Variants in NYAP2 observed in about 807,000 individuals in gnomAD.
NYAP2 encodes the protein neuronal tyrosine-phosphorylated phosphoinositide-3-kinase adaptor 2.
A neutral mutation model predicts 50.4 loss-of-function variants in NYAP2; 23 were observed. That is an observed-to-expected ratio of 0.46 (90% confidence interval 0.33 to 0.65). The LOEUF (loss-of-function observed/expected upper bound fraction) is 0.65, where lower values mean the gene tolerates loss of function less well. Ranked by LOEUF, NYAP2 falls within the 30% of genes least tolerant of loss-of-function variation. The pLI is 0.02. For missense variants in NYAP2, 885 were observed against 861.0 expected (o/e 1.03, Z -0.35); for synonymous variants, 394 against 365.2 (o/e 1.08, Z -0.90).
chr2:225,520,695 A>G (rs1357427074), intron 4 of NYAP2, among the ~76,000 whole-genome samples: 14 of 152,008 alleles, frequency 9.2e-5, no homozygotes, highest in Admixed American at 2.0e-4. Flanking sequence ...ATAGTTTGAA[A>G]TCAGGTAGCG....
chr2:225,537,727 C>T lies in NYAP2; in HGVS notation c.523+24055C>T, dbSNP rs184893391. Among the ~76,000 whole-genome samples, 312 of 152,294 alleles carry T rather than the reference C, an allele frequency of 2.0e-3. 1 individual carries two copies. Among genetic ancestry groups the T allele is most frequent in the African/African-American group, 7.0e-3 (292 of 41,568 alleles). On this transcript the variant is annotated intron_variant, in intron 4 of 6. Coordinates refer to ENST00000636099, the Ensembl canonical transcript of NYAP2. ...CCTCACATTTCAAAACCAATCATGC[C>T]TTCCCAACAGTCCCCCAAAGTCTTA...
intron 3 of NYAP2, among the ~76,000 whole-genome samples, chr2:225,430,378 C>A (rs1695348581): frequency 6.6e-6 from 1 of 152,140 alleles, no homozygotes; most frequent in African/African-American, 2.4e-5. Context: ...AGATTCCCTT[C>A]TTCAATTTAT....
intron 3 of NYAP2, among the ~76,000 whole-genome samples, chr2:225,455,017 A>G (rs943529021): frequency 6.6e-6 from 1 of 152,144 alleles, no homozygotes; most frequent in Non-Finnish European, 1.5e-5. Flanking sequence ...ACCTGAGCAA[A>G]CTTCACTGGC....
Position 225,582,837 on chromosome 2 carries a change from C to T in NYAP2, c.1420C>T (p.His474Tyr). 6.2e-7 allele frequency: 1 copy of T among 1,613,904 alleles called. No individual in the cohort carries two copies. Among genetic ancestry groups the T allele is most frequent in the Non-Finnish European group, 8.5e-7 (1 of 1,179,892 alleles). Residue 474 changes from histidine to tyrosine, a missense_variant, in exon 5 of 7, where the codon CAC becomes TAC. Physicochemically the swap from His to Tyr is moderately conservative, Grantham distance 83. Coordinates refer to ENST00000636099, the Ensembl canonical transcript of NYAP2. The surrounding 1 kb of genome is among the most constrained non-coding windows in gnomAD (Gnocchi z 7.0). Reference sequence around the variant, plus strand: ...CTCAAGGAGCTCTCCTTCAGTGCCTCACTCGACCCCCAGACCCGTGTCGCA... The same window carrying T: ...CTCAAGGAGCTCTCCTTCAGTGCCTTACTCGACCCCCAGACCCGTGTCGCA...
At chr2:225,428,554 A>T (rs1381199993) in intron 3 of NYAP2, among the ~76,000 whole-genome samples, 1 of 152,222 alleles carries the variant, frequency 6.6e-6, no homozygotes, top group Non-Finnish European at 1.5e-5. Context: ...CAGTGTTTCA[A>T]TAAAACTTTA....
the NYAP2 span, among the ~76,000 whole-genome samples, chr2:225,665,493 A>G: frequency 2.6e-5 from 4 of 151,890 alleles, no homozygotes; most frequent in African/African-American, 7.3e-5. Context: ...TTTTAACACA[A>G]CTGGTGAACA....
intron 6 of NYAP2, among the ~76,000 whole-genome samples, chr2:225,641,063 C>G (rs1303086126): frequency 1.3e-5 from 2 of 152,100 alleles, no homozygotes; most frequent in Non-Finnish European, 2.9e-5. Flanking sequence ...ACCACAATGA[C>G]AGTGTGCTGA....
intron 3 of NYAP2, among the ~76,000 whole-genome samples, chr2:225,412,346 T>C (rs904094484): frequency 2.7e-5 from 4 of 148,802 alleles, no homozygotes; most frequent in African/African-American, 9.9e-5. Context: ...TTGTGAATGA[T>C]TACTGCAGAA....
chr2:225,437,319 T>G (rs1006169180), intron 3 of NYAP2, among the ~76,000 whole-genome samples: 1 of 152,160 alleles, frequency 6.6e-6, no homozygotes, highest in Non-Finnish European at 1.5e-5. Flanking sequence ...TACTTTCTGC[T>G]CCTGTGTTTT....
At chr2:225,671,709 C>T in the NYAP2 span, among the ~76,000 whole-genome samples, 1 of 152,104 alleles carries the variant, frequency 6.6e-6, no homozygotes, top group Non-Finnish European at 1.5e-5. Context: ...GAATCACTAT[C>T]TGTGGCAGCT....
chr2:225,584,476 C>T (rs777238805), intron 5 of NYAP2, among the ~76,000 whole-genome samples: 2 of 152,202 alleles, frequency 1.3e-5, no homozygotes, highest in Non-Finnish European at 2.9e-5. Flanking sequence ...AATTACATTT[C>T]TTTCTCTTAT....
At chr2:225,450,863 C>G (rs1370530268) in intron 3 of NYAP2, among the ~76,000 whole-genome samples, 2 of 152,182 alleles carry the variant, frequency 1.3e-5, no homozygotes, top group African/African-American at 4.8e-5. Context: ...GATGGCCCTG[C>G]CTTGTCATTC....
intron 4 of NYAP2, among the ~76,000 whole-genome samples, chr2:225,529,746 C>T (rs971708042): frequency 1.3e-5 from 2 of 152,190 alleles, no homozygotes; most frequent in South Asian, 2.1e-4. Flanking sequence ...CTCACTCTGT[C>T]GCCCAGGCTA....
intron 3 of NYAP2, among the ~76,000 whole-genome samples, chr2:225,502,046 A>G (rs549645306): frequency 6.6e-6 from 1 of 152,392 alleles, no homozygotes; most frequent in South Asian, 2.1e-4. Context: ...AGACCTTAAA[A>G]GACCATGAGT....
At chr2:225,496,510 G>A (rs1352485226) in intron 3 of NYAP2, among the ~76,000 whole-genome samples, 3 of 151,910 alleles carry the variant, frequency 2.0e-5, no homozygotes, top group South Asian at 4.1e-4. Flanking sequence ...ATTTTCCAAG[G>A]TTTGCAAACT....
At chr2:225,654,225 G>A (rs1280186817), downstream of NYAP2, among the ~76,000 whole-genome samples, 2 of 152,020 alleles carry the variant, frequency 1.3e-5, no homozygotes, top group African/African-American at 4.8e-5. Flanking sequence ...CCTAAACAAG[G>A]ATAGGGAACA....
chr2:225,425,305 TCTGTGTGTGTGA>T (rs1695270794), intron 3 of NYAP2, among the ~76,000 whole-genome samples: 1 of 152,212 alleles, frequency 6.6e-6, no homozygotes, highest in Non-Finnish European at 1.5e-5. Context: ...TCTTTTAGTT[TCTGTGTGTGTGA>T]CTGTGTGTGT....
chr2:225,485,995 C>T (rs1328579778), intron 3 of NYAP2, among the ~76,000 whole-genome samples: 2 of 152,178 alleles, frequency 1.3e-5, no homozygotes, highest in African/African-American at 2.4e-5. Context: ...CCAAATGTCT[C>T]CTTGTGGGCG....
intron 3 of NYAP2, among the ~76,000 whole-genome samples, chr2:225,469,866 G>C (rs1337579049): frequency 1.3e-5 from 2 of 152,218 alleles, no homozygotes; most frequent in African/African-American, 4.8e-5. Flanking sequence ...GGGGGGCTAG[G>C]GGAGGGATAG....
Sources: allele counts gnomAD v4.1 joint callset (sites outside exome capture counted in the v4.1 genomes callset), GRCh38; gene constraint gnomAD v4.1.1; non-coding constraint Gnocchi (gnomAD v3.1); transcripts MANE v1.5; gene names NCBI Gene and HGNC (gene_info 2026-07-23, HGNC 2026-07-21).